Variants in RLIM observed in about 807,000 individuals in gnomAD.
RLIM encodes the protein ring finger protein, LIM domain interacting.
In RLIM, 2 loss-of-function variants were observed where a neutral mutation model predicts 34.0. That is an observed-to-expected ratio of 0.06 (90% CI 0.02 to 0.19). The LOEUF (loss-of-function observed/expected upper bound fraction) is 0.19, where lower values mean the gene tolerates loss of function less well. RLIM is among the 10% of genes least tolerant of loss of function. The pLI is 1.00. For missense variants in RLIM, 286 were observed against 479.7 expected (o/e 0.60, Z 3.77); for synonymous variants, 169 against 164.0 (o/e 1.03, Z -0.23).
chrX:74,592,758 G>A lies in RLIM; in HGVS notation c.557C>T (p.Ala186Val). The A allele has an allele frequency of 8.3e-7, 1 of 1,211,679 alleles. No individual in the cohort carries two copies. The highest frequency in any genetic ancestry group is 2.2e-5 in the Admixed American group (1 of 46,047). Residue 186 changes from alanine to valine, a missense_variant, in exon 4 of 4, where the codon GCA becomes GTA. Ala to Val is a moderately conservative substitution (Grantham distance 64). Coordinates refer to ENST00000332687, the MANE Select transcript of RLIM (RefSeq NM_016120.4). Reference sequence around the variant, plus strand: ...ATTTCGTTCTGATCTAGATGGCCTTGCAGATGTTGATTCAGATCGTGGGTT... The same window carrying A: ...ATTTCGTTCTGATCTAGATGGCCTTACAGATGTTGATTCAGATCGTGGGTT... ...VENPRSESTS[A>V]RPSRSERNST... is the part of the protein sequence containing the mutation.
At position 74,593,180 on chromosome X, in the gene RLIM, T is replaced by C. The variant is rs1019681783; in HGVS notation, c.254-119A>G. The C allele has an allele frequency of 1.4e-5, 10 of 715,289 alleles. No individual in the cohort carries two copies. In the South Asian group the frequency reaches 4.3e-4, roughly 31 times the overall value. The allele number at this position is 715,289 out of a possible 1,213,427, so 58.9% of individuals were successfully genotyped here. Reference sequence around the variant, plus strand: ...TAAAAATTCGGAACACATTTCATAATTACAGATTTTTACAAACTATACTGC... The same window carrying C: ...TAAAAATTCGGAACACATTTCATAACTACAGATTTTTACAAACTATACTGC... On this transcript the variant is annotated intron_variant, in intron 3 of 3. Coordinates refer to ENST00000332687, the MANE Select transcript of RLIM (RefSeq NM_016120.4).
At chrX:74,609,832 G>A (rs1263130895) in intron 1 of RLIM, among the ~76,000 whole-genome samples, 2 of 111,657 alleles carry the variant, frequency 1.8e-5, no homozygotes, top group Non-Finnish European at 3.8e-5. Context: ...AACAAAAGTT[G>A]TAGTTAACAC....
At chrX:74,609,487 C>CA (rs752008137) in intron 1 of RLIM, among the ~76,000 whole-genome samples, 5,059 of 32,451 alleles carry the variant, frequency 0.16, 756 homozygotes, top group Admixed American at 0.17. Context: ...GACTCCGTTT[C>CA]AAAAAAAAAA....
chrX:74,607,901 A>AT (rs2079689517), intron 1 of RLIM, among the ~76,000 whole-genome samples: 1 of 113,075 alleles, frequency 8.8e-6, no homozygotes, highest in African/African-American at 3.2e-5. Context: ...GAACTGCTGA[A>AT]TTTAAGGCCA....
Position 74,588,449 on chromosome X carries a change from C to G in RLIM, c.*2991G>C, listed in dbSNP as rs2079597293. 9.0e-6 allele frequency: 1 copy of G among 111,562 alleles called. No homozygotes were observed. The highest frequency in any genetic ancestry group is 1.9e-5 in the Non-Finnish European group (1 of 53,226). 9.2% of individuals were successfully genotyped at this position (111,562 alleles called of 1,213,427 possible). ...TCGCTCCATTGCACTTCATCCTGGG[C>G]AACCAAGTAAGACTCTGTCTCAAAA... On this transcript the variant is annotated 3_prime_UTR_variant, in exon 4 of 4. Transcript: ENST00000332687.
rs1931249699 is a variant in RLIM, at chrX:74,583,099, G to A, written c.*8341C>T. On this transcript the variant is annotated 3_prime_UTR_variant, in exon 4 of 4. Coordinates refer to ENST00000332687, the MANE Select transcript of RLIM (RefSeq NM_016120.4). ...GTCCCTGATCAATTTTAAACAGTTG[G>A]AACACCGGTGGCACTGTTAACTGCT... 7 of 1,169,429 alleles carry A rather than the reference G, an allele frequency of 6.0e-6. No individual in the cohort carries two copies. The highest frequency in any genetic ancestry group is 1.7e-5 in the African/African-American group (1 of 57,177).
intron 1 of RLIM, among the ~76,000 whole-genome samples, chrX:74,598,226 A>G (rs1213643282): frequency 8.9e-6 from 1 of 112,093 alleles, no homozygotes; most frequent in African/African-American, 3.2e-5. Flanking sequence ...AGCACAAAAT[A>G]AATTTCCTTA....
At chrX:74,604,665 T>C (rs2079675618) in intron 1 of RLIM, among the ~76,000 whole-genome samples, 2 of 111,840 alleles carry the variant, frequency 1.8e-5, no homozygotes, top group Admixed American at 1.9e-4. Flanking sequence ...ATTTCCTACA[T>C]AGAAACTAGA....
In RLIM at chrX:74,592,754, C is replaced by G; in HGVS notation, c.561G>C (p.Arg187Ser). The G allele has an allele frequency of 3.3e-6, 4 of 1,211,628 alleles. No homozygotes were observed. The highest frequency in any genetic ancestry group is 4.5e-6 in the Non-Finnish European group (4 of 895,374). ...TTGAATTTCGTTCTGATCTAGATGG[C>G]CTTGCAGATGTTGATTCAGATCGTG... is the stretch of plus-strand genomic sequence containing the variant. ...ENPRSESTSA[R>S]PSRSERNSTE... Residue 187 changes from arginine (R) to serine (S), a missense_variant, in exon 4 of 4, where the codon AGG becomes AGC. Around this residue, in one of 6 missense-constraint regions of RLIM, gnomAD observed 121 missense variants for 182.4 expected, o/e 0.66. Coordinates refer to ENST00000332687, the MANE Select transcript of RLIM (RefSeq NM_016120.4).
At chrX:74,600,851 A>T (rs1353112395) in intron 1 of RLIM, among the ~76,000 whole-genome samples, 1 of 74,264 alleles carries the variant, frequency 1.3e-5, no homozygotes, top group Non-Finnish European at 2.3e-5. Flanking sequence ...ATCTCTACTT[A>T]AAAAAAAAAA....
intron 3 of RLIM, 41 bp from the exon 4 acceptor site, chrX:74,593,102 T>C (rs1320171212): frequency 1.7e-6 from 2 of 1,147,007 alleles, no homozygotes; most frequent in African/African-American, 3.6e-5. Context: ...AAAAAGGAAC[T>C]ACTAAAATGA....
intron 1 of RLIM, among the ~76,000 whole-genome samples, chrX:74,605,906 A>G (rs1033042732): frequency 7.1e-5 from 8 of 112,057 alleles, no homozygotes; most frequent in Non-Finnish European, 7.5e-5. Flanking sequence ...CCATGTGACT[A>G]GTAAGTGGGA....
At chrX:74,602,473 TG>T (rs2079665300) in intron 1 of RLIM, among the ~76,000 whole-genome samples, 1 of 111,703 alleles carries the variant, frequency 9.0e-6, no homozygotes. Context: ...GGCTCACACC[TG>T]TAATCCCAGC....
Position 74,589,886 on chromosome X carries a change from C to T in RLIM, c.*1554G>A, listed in dbSNP as rs970601277. ...TGAAGTTACTCTTACTACTAAGAAA[C>T]CAACATAAAGTGCATGTCCATAGAT... On this transcript the variant is annotated 3_prime_UTR_variant, in exon 4 of 4. Transcript: ENST00000332687. 2.7e-5 allele frequency: 3 copies of T among 112,193 alleles called. No individual in the cohort carries two copies. Among genetic ancestry groups the T allele is most frequent in the Non-Finnish European group, 5.6e-5 (3 of 53,224 alleles). The allele number at this position is 112,193 out of a possible 1,213,427, so 9.2% of individuals were successfully genotyped here.
In RLIM at chrX:74,592,283, C is replaced by T. The variant is rs775635210; in HGVS notation, c.1032G>A (p.Arg344=). Reference sequence around the variant, plus strand: ...TGTTGTTTGGTGTCTGAGACCTAGACCGAGTTCTGCTGGCTATGCTATCTC... The same window carrying T: ...TGTTGTTTGGTGTCTGAGACCTAGATCGAGTTCTGCTGGCTATGCTATCTC... ...RQRDSIASRT[R]SRSQTPNNTV... is the part of the protein sequence containing the mutation. The change falls in exon 4 of 4, where the codon CGG becomes CGA. Residue 344 remains arginine (R), a synonymous_variant. Coordinates refer to ENST00000332687, the MANE Select transcript of RLIM (RefSeq NM_016120.4). The T allele has an allele frequency of 2.5e-6, 3 of 1,209,643 alleles. No individual in the cohort carries two copies. The highest frequency in any genetic ancestry group is 3.4e-6 in the Non-Finnish European group (3 of 895,109).
intron 1 of RLIM, among the ~76,000 whole-genome samples, chrX:74,609,487 C>CAAAAAAAAAAA (rs752008137): frequency 3.0e-5 from 1 of 32,801 alleles, no homozygotes; most frequent in African/African-American, 9.3e-5. Flanking sequence ...GACTCCGTTT[C>CAAAAAAAAAAA]AAAAAAAAAA....
intron 1 of RLIM, among the ~76,000 whole-genome samples, chrX:74,610,896 A>AATT (rs2079707655): frequency 9.0e-6 from 1 of 110,593 alleles, no homozygotes; most frequent in African/African-American, 3.3e-5. Context: ...TCTCAAAAAA[A>AATT]TAAAAAAATA....
rs760794203 is a variant in RLIM, at chrX:74,592,645, T to C, written c.670A>G (p.Arg224Gly). 1.7e-6 allele frequency: 2 copies of C among 1,210,191 alleles called. No individual in the cohort carries two copies. Among genetic ancestry groups the C allele is most frequent in the South Asian group, 1.8e-5 (1 of 56,850 alleles). ...RSPDHRRTRA[R>G]AERSRSPLHP... is the part of the protein sequence containing the mutation. ...AGAGGTGACCTACTTCTTTCAGCTC[T>C]TGCTCTGGTTCTCCGATGGTCTGGG... The change falls in exon 4 of 4, where the codon AGA becomes GGA. Residue 224 changes from arginine (R) to glycine (G), a missense_variant. Arg to Gly is a moderately radical substitution (Grantham distance 125). Coordinates refer to ENST00000332687, the MANE Select transcript of RLIM (RefSeq NM_016120.4).
chrX:74,600,163 T>C (rs767224496), intron 1 of RLIM, among the ~76,000 whole-genome samples: 22 of 110,914 alleles, frequency 2.0e-4, no homozygotes, highest in Non-Finnish European at 2.8e-4. Context: ...ATAACTGAGA[T>C]TGCTTAACTG....
Sources: allele counts gnomAD v4.1 joint callset (sites outside exome capture counted in the v4.1 genomes callset), GRCh38; gene constraint gnomAD v4.1.1; regional missense constraint gnomAD v4.1.1; transcripts MANE v1.5; gene names NCBI Gene and HGNC (gene_info 2026-07-23, HGNC 2026-07-21).